The following GGA1 variants were observed in gnomAD, a reference collection of about 807,000 sequenced individuals.
The protein encoded by GGA1 is golgi associated, gamma adaptin ear containing, ARF binding protein 1.
A neutral mutation model predicts 76.9 loss-of-function variants in GGA1; 18 were observed. That is an observed-to-expected ratio of 0.23 (90% CI 0.16 to 0.35). The LOEUF (loss-of-function observed/expected upper bound fraction) is 0.35, where lower values mean the gene tolerates loss of function less well. Ranked by LOEUF, GGA1 falls within the 10% of genes least tolerant of loss-of-function variation. The pLI, the probability that GGA1 is intolerant of heterozygous loss-of-function variation, is 1.00. For missense variants in GGA1, 755 were observed against 859.0 expected, an observed-to-expected ratio of 0.88 and a Z score of 1.51; for synonymous variants, 342 against 354.7, an observed-to-expected ratio of 0.96 and a Z score of 0.40.
intron 3 of GGA1, chr22:37,617,609 G>A: frequency 1.1e-6 from 1 of 883,276 alleles, no homozygotes; most frequent in Non-Finnish European, 1.4e-6. Flanking sequence ...CAAGGCAGGA[G>A]GCTTGCTTGA....
chr22:37,630,515 T>G (rs1052859879), intron 13 of GGA1, among the ~76,000 whole-genome samples: 6 of 152,128 alleles, frequency 3.9e-5, no homozygotes, highest in Non-Finnish European at 2.9e-5. Context: ...GCCAGAGAGA[T>G]AGCCACACGT....
At chr22:37,620,742 C>T in intron 5 of GGA1, 71 bp from the exon 6 acceptor site, 1 of 934,108 alleles carries the variant, frequency 1.1e-6, no homozygotes, top group East Asian at 2.4e-5. Flanking sequence ...TTGCCTGCCC[C>T]CATCCCCATG....
chr22:37,625,599 C>T lies in GGA1; in HGVS notation c.941-198C>T, dbSNP rs1007674012. On this transcript the variant is annotated intron_variant, in intron 10 of 16. Coordinates refer to ENST00000343632, the MANE Select transcript of GGA1 (RefSeq NM_013365.5). The surrounding 1 kb of genome is among the most constrained non-coding windows in gnomAD (Gnocchi z 4.1). ...GTAGAGCTAAGAAGGAAATACATTCCGGACAGAAGTACCATCATATGCCAA... is the reference window on the plus strand; with the variant it reads ...GTAGAGCTAAGAAGGAAATACATTCTGGACAGAAGTACCATCATATGCCAA... Among the ~76,000 whole-genome samples the T allele has an allele frequency of 1.3e-5, 2 of 152,084 alleles. No individual in the cohort carries two copies. The highest frequency in any genetic ancestry group is 2.9e-5 in the Non-Finnish European group (2 of 68,006).
At chr22:37,622,924 C>T (rs1930156013) in intron 7 of GGA1, among the ~76,000 whole-genome samples, 1 of 152,224 alleles carries the variant, frequency 6.6e-6, no homozygotes, top group Non-Finnish European at 1.5e-5. Flanking sequence ...CCAGGCTGTA[C>T]CTGGTGACCA....
At chr22:37,609,006 GCCCCGC>G (rs1462611059) in intron 1 of GGA1, 103 bp downstream of exon 1, 1 of 1,361,320 alleles carries the variant, frequency 7.3e-7, no homozygotes, top group African/African-American at 1.5e-5. Context: ...CCCTCCTCAC[GCCCCGC>G]CCCCGGCCCG....
At chr22:37,621,814 A>G in intron 7 of GGA1, 118 bp downstream of exon 7, 1 of 630,070 alleles carries the variant, frequency 1.6e-6, no homozygotes, top group Non-Finnish European at 2.7e-6. Flanking sequence ...CCGGGCTGGC[A>G]CAGCAGAGAA....
At chr22:37,618,148 A>G (rs1307545285) in intron 3 of GGA1, 2 of 262,202 alleles carry the variant, frequency 7.6e-6, no homozygotes, top group Non-Finnish European at 1.4e-5. Flanking sequence ...AAGGAAAAAT[A>G]GTAAGAAAAT....
chr22:37,630,916 C>G lies in GGA1; in HGVS notation c.1345C>G (p.Pro449Ala). 6.2e-7 allele frequency: 1 copy of G among 1,610,844 alleles called. No individual in the cohort carries two copies. ...SQQVRWEKQQ[P>A]TPRLTLRDLQ... ...CCCCCGATTAAGGGAGAAGCAGCAG[C>G]CAACCCCCCGGCTCACACTCCGGGA... The change falls in exon 14 of 17, where the codon CCA becomes GCA. Residue 449 changes from proline (P) to alanine (A), a missense_variant. Coordinates refer to ENST00000343632, the MANE Select transcript of GGA1 (RefSeq NM_013365.5).
rs1601536009 is a variant in GGA1, at chr22:37,623,134, G to A, written c.610-193G>A. ...TTGTGCAGAGGCCTGGGCACTGGGG[G>A]CTTCTTGGACCAGCGTGCCCTTCCT... On this transcript the variant is annotated intron_variant, in intron 7 of 16. Coordinates refer to ENST00000343632, the MANE Select transcript of GGA1 (RefSeq NM_013365.5). This position sits in a 1 kb window ranked among gnomAD's most constrained non-coding sequence, Gnocchi z 4.6. Among the ~76,000 whole-genome samples, 1 of 152,188 alleles carries A rather than the reference G, an allele frequency of 6.6e-6. No individual in the cohort carries two copies. The highest frequency in any genetic ancestry group is 6.5e-5 in the Admixed American group (1 of 15,282).
chr22:37,617,931 G>T (rs369363441), intron 3 of GGA1: 2 of 164,938 alleles, frequency 1.2e-5, no homozygotes, highest in East Asian at 3.8e-4. Flanking sequence ...AGATCAGCCT[G>T]ACCAACATGG....
intron 7 of GGA1, among the ~76,000 whole-genome samples, chr22:37,622,037 A>G (rs1367860326): frequency 6.6e-6 from 1 of 152,048 alleles, no homozygotes; most frequent in East Asian, 1.9e-4. Flanking sequence ...TTAGTATTTA[A>G]AAATACTAAT....
Position 37,632,565 on chromosome 22 carries a change from C to T in GGA1, c.1810-36C>T, listed in dbSNP as rs913773223. 1 of 1,582,888 alleles carries T rather than the reference C, an allele frequency of 6.3e-7. No individual in the cohort carries two copies. Among genetic ancestry groups the T allele is most frequent in the Non-Finnish European group, 8.7e-7 (1 of 1,151,674 alleles). On this transcript the variant is annotated intron_variant, in intron 16 of 16. Coordinates refer to ENST00000343632, the MANE Select transcript of GGA1 (RefSeq NM_013365.5). The surrounding 1 kb of genome is among the most constrained non-coding windows in gnomAD (Gnocchi z 5.1). Reference sequence around the variant, plus strand: ...CAGGGTGGGGACGGCCACTTCTCCTCCTCTGACCCCTCTGCCTTTGCCATC... The same window carrying T: ...CAGGGTGGGGACGGCCACTTCTCCTTCTCTGACCCCTCTGCCTTTGCCATC...
At chr22:37,626,029 G>A (rs1014567293) in intron 11 of GGA1, 80 bp downstream of exon 11, 27 of 1,154,934 alleles carry the variant, frequency 2.3e-5, no homozygotes, top group African/African-American at 9.3e-5. Context: ...CACAGCTAGC[G>A]GAACCACGTA....
chr22:37,632,475 C>T lies in GGA1; in HGVS notation c.1769C>T (p.Ser590Leu), dbSNP rs146676662. Residue 590 changes from serine to leucine, a missense_variant, in exon 16 of 17, where the codon TCA (serine) becomes TTA (leucine). By Grantham distance (145) the Ser-to-Leu change is moderately radical (BLOSUM62 -2). Coordinates refer to ENST00000343632, the MANE Select transcript of GGA1 (RefSeq NM_013365.5). This position sits in a 1 kb window ranked among gnomAD's most constrained non-coding sequence, Gnocchi z 5.1. Reference protein sequence around the residue: ...LPAFNPIVHPSAITQVLLLAN... With the variant: ...LPAFNPIVHPLAITQVLLLAN... ...GCTTTTAACCCCATCGTCCACCCCTCAGCAATCACCCAGGTCCTGCTGCTT... is the reference window on the plus strand; with the variant it reads ...GCTTTTAACCCCATCGTCCACCCCTTAGCAATCACCCAGGTCCTGCTGCTT... 41 of 1,613,752 alleles carry T rather than the reference C, an allele frequency of 2.5e-5. No homozygotes were observed. Among genetic ancestry groups the T allele is most frequent in the Non-Finnish European group, 3.4e-5 (40 of 1,179,782 alleles).
rs1929578628 is a variant in GGA1, at chr22:37,619,974, G to A, written c.304-264G>A. ...CCCAGAGCCGACTATGAGCAGGCCTGTCCCTCATGTCAGTTCTGCATCCTC... is the reference window on the plus strand; with the variant it reads ...CCCAGAGCCGACTATGAGCAGGCCTATCCCTCATGTCAGTTCTGCATCCTC... On this transcript the variant is annotated intron_variant, in intron 4 of 16. Coordinates refer to ENST00000343632, the MANE Select transcript of GGA1 (RefSeq NM_013365.5). 8.0e-6 allele frequency: 5 copies of A among 628,362 alleles called. No individual in the cohort carries two copies. In the South Asian group the frequency reaches 9.3e-5, roughly 12 times the overall value. The allele number at this position is 628,362 out of a possible 1,614,324, so 38.9% of individuals were successfully genotyped here.
In GGA1 at chr22:37,621,041, A is replaced by T. The variant is rs992349516; in HGVS notation, c.528+128A>T. The T allele has an allele frequency of 8.7e-6, 6 of 690,442 alleles. No homozygotes were observed. In the African/African-American group the frequency reaches 8.7e-5, roughly 10 times the overall value. The allele number at this position is 690,442 out of a possible 1,614,324, so 42.8% of individuals were successfully genotyped here. On this transcript the variant is annotated intron_variant, in intron 6 of 16. Transcript: ENST00000343632. Reference sequence around the variant, plus strand: ...ACACTGAGCCCAGGCATCGTTGTAGATGATGGGCGCTGTTTACTGGGCATT... The same window carrying T: ...ACACTGAGCCCAGGCATCGTTGTAGTTGATGGGCGCTGTTTACTGGGCATT...
chr22:37,612,183 G>T (rs1181635719), intron 1 of GGA1, among the ~76,000 whole-genome samples: 1 of 150,938 alleles, frequency 6.6e-6, no homozygotes, highest in East Asian at 1.9e-4. Context: ...AAAAAATACA[G>T]GCCGGACGCA....
rs564390935 is a variant in GGA1 at position 37,613,107 on chromosome 22, T to C, written c.44-1083T>C. 7.0e-5 allele frequency: 69 copies of C among 985,342 alleles called. No individual in the cohort carries two copies. The South Asian group carries it at 2.7e-3, about 38-fold the overall frequency. The allele number at this position is 985,342 out of a possible 1,614,324, so 61.0% of individuals were successfully genotyped here. The stretch of plus-strand genomic sequence containing the variant: ...CAAAAGAGAACTGACCCAGCACTGC[T>C]ACCCTGGGCAGGAGTAGAGGATTAG... On this transcript the variant is annotated intron_variant, in intron 1 of 16. Transcript: ENST00000343632.
intron 1 of GGA1, 94 bp downstream of exon 1, chr22:37,608,997 C>G (rs941427482): frequency 1.3e-5 from 17 of 1,355,498 alleles, no homozygotes; most frequent in Non-Finnish European, 1.6e-5. Flanking sequence ...CGGGTCGCCC[C>G]CTCCTCACGC....
Sources: gnomAD v4.1 joint callset for allele counts (sites outside exome capture counted in the v4.1 genomes callset) on GRCh38, gnomAD v4.1.1 for gene constraint, Gnocchi (gnomAD v3.1) non-coding constraint, MANE v1.5 for transcripts, NCBI Gene and HGNC (gene_info 2026-07-23, HGNC 2026-07-21) for gene names.